The following ARID4B variants were observed in gnomAD, a reference collection of about 807,000 sequenced individuals.
The protein encoded by ARID4B is AT-rich interaction domain 4B, also known as AT-rich interactive domain-containing protein 4B.
A neutral mutation model predicts 147.5 loss-of-function variants in ARID4B; 26 were observed. The observed-to-expected ratio is 0.18, with a 90% CI of 0.13 to 0.24. The LOEUF (loss-of-function observed/expected upper bound fraction) is 0.24. ARID4B is among the 10% of genes least tolerant of loss of function. The pLI is 1.00. For synonymous variants in ARID4B, 512 were observed against 507.9 expected, an observed-to-expected ratio of 1.01 and a Z score of -0.11; for missense variants, 1,179 against 1,511.5, an observed-to-expected ratio of 0.78 and a Z score of 3.65.
chr1:235,284,482 T>A (rs1408253779), intron 2 of ARID4B, among the ~76,000 whole-genome samples: 1 of 152,184 alleles, frequency 6.6e-6, no homozygotes, highest in Non-Finnish European at 1.5e-5. Flanking sequence ...TAGCTTTTTC[T>A]ATTACAAGTG....
chr1:235,176,477 A>G (rs1663889854), intron 21 of ARID4B, among the ~76,000 whole-genome samples: 1 of 148,628 alleles, frequency 6.7e-6, no homozygotes, highest in Admixed American at 6.7e-5. Context: ...AAGGAGTTAA[A>G]CTCTCAAAGC....
chr1:235,324,224 A>G lies in ARID4B; in HGVS notation c.6+2690T>C, dbSNP rs184624379. Among the ~76,000 whole-genome samples, 11 of 152,278 alleles carry G rather than the reference A, an allele frequency of 7.2e-5. No homozygotes were observed. The East Asian group carries it at 1.9e-3, about 27-fold the overall frequency. On this transcript the variant is annotated intron_variant, in intron 2 of 23. Transcript: ENST00000264183. ...GCCCAGCCGGCACCACTGATTTTTA[A>G]AAGTCTATCAAGAGCATGAAAAATA... is the stretch of plus-strand genomic sequence containing the variant.
In ARID4B at chr1:235,189,751, A is replaced by T. The variant is rs542025688; in HGVS notation, c.2125+4262T>A. Among the ~76,000 whole-genome samples, 3 of 151,550 alleles carry T rather than the reference A, an allele frequency of 2.0e-5. No homozygotes were observed. The East Asian group carries it at 5.8e-4, about 30-fold the overall frequency. On this transcript the variant is annotated intron_variant, in intron 19 of 23. Transcript: ENST00000264183. Reference sequence around the variant, plus strand: ...CAGTCTCAATTAAAGAAAAAAAAAAATTTGGCAGGGCTGGGACAGTAGCTC... The same window carrying T: ...CAGTCTCAATTAAAGAAAAAAAAAATTTTGGCAGGGCTGGGACAGTAGCTC...
At chr1:235,239,223 C>T (rs184089382) in intron 8 of ARID4B, among the ~76,000 whole-genome samples, 5 of 152,164 alleles carry the variant, frequency 3.3e-5, no homozygotes, top group Admixed American at 3.3e-4. Flanking sequence ...TTGCCCACCT[C>T]GGCCTCCCAA....
Position 235,229,231 on chromosome 1 carries a change from T to C in ARID4B, c.897A>G (p.Glu299=), listed in dbSNP as rs12731746. ...AAAGGTATCAACTGTTTTCACTTACTTCTTCTTCACTGCTATTATCCTCCT... is the reference window on the plus strand; with the variant it reads ...AAAGGTATCAACTGTTTTCACTTACCTCTTCTTCACTGCTATTATCCTCCT... ...KEKEDNSSEE[E]EEIEPFPEER... Residue 299 remains glutamate, a splice_region_variant and synonymous_variant, in exon 11 of 24, where the codon GAA becomes GAG. Coordinates refer to ENST00000264183, the MANE Select transcript of ARID4B (RefSeq NM_016374.6). The C allele has an allele frequency of 0.48, 764,033 of 1,605,756 alleles. 184,477 individuals carry two copies. Among genetic ancestry groups the C allele is most frequent in the South Asian group, 0.61 (54,474 of 89,798 alleles).
intron 2 of ARID4B, among the ~76,000 whole-genome samples, chr1:235,297,555 C>T (rs1346156197): frequency 5.9e-5 from 9 of 152,086 alleles, no homozygotes; most frequent in African/African-American, 1.7e-4. Context: ...TCAGATGCTG[C>T]GAAAACCTTT....
chr1:235,219,591 G>T (rs1667307889), intron 16 of ARID4B, among the ~76,000 whole-genome samples: 1 of 152,130 alleles, frequency 6.6e-6, no homozygotes, highest in South Asian at 2.1e-4. Context: ...AAGAAGGGTG[G>T]ATCAAAGTAT....
chr1:235,231,295 G>A, intron 9 of ARID4B, 106 bp from the exon 10 acceptor site: 1 of 619,798 alleles, frequency 1.6e-6, no homozygotes, highest in Non-Finnish European at 2.7e-6. Context: ...CTGAAAATAT[G>A]GGAATGTTGA....
intron 2 of ARID4B, among the ~76,000 whole-genome samples, chr1:235,278,798 T>C (rs1466143027): frequency 6.6e-6 from 1 of 152,226 alleles, no homozygotes; most frequent in Non-Finnish European, 1.5e-5. Context: ...GTATTTGGTA[T>C]TCCTGTACAT....
intron 2 of ARID4B, among the ~76,000 whole-genome samples, chr1:235,323,931 G>A (rs1257709708): frequency 1.3e-5 from 2 of 148,192 alleles, no homozygotes; most frequent in African/African-American, 5.1e-5. Context: ...GAGAGAGAGA[G>A]TTTCACTTTT....
chr1:235,231,034 G>A lies in ARID4B; in HGVS notation c.742+79C>T, dbSNP rs184530660. On this transcript the variant is annotated intron_variant, in intron 10 of 23. Coordinates refer to ENST00000264183, the MANE Select transcript of ARID4B (RefSeq NM_016374.6). ...ACATAATTTAAAGAAAAATTTTAAA[G>A]AGCAAAGAAAAATTTAATCTTCAAA... The A allele has an allele frequency of 8.1e-4, 818 of 1,015,276 alleles. 6 individuals are homozygous for A. Among genetic ancestry groups the A allele is most frequent in the South Asian group, 7.1e-3 (453 of 63,784 alleles). The allele number at this position is 1,015,276 out of a possible 1,614,324, so 62.9% of individuals were successfully genotyped here.
chr1:235,259,441 G>A (rs1184041262), intron 3 of ARID4B, among the ~76,000 whole-genome samples: 1 of 152,224 alleles, frequency 6.6e-6, no homozygotes, highest in African/African-American at 2.4e-5. Flanking sequence ...CCAGGAGAGA[G>A]GGCTTTTGTC....
intron 2 of ARID4B, among the ~76,000 whole-genome samples, chr1:235,268,050 G>GA (rs1394827263): frequency 1.3e-5 from 2 of 152,178 alleles, no homozygotes; most frequent in Non-Finnish European, 2.9e-5. Flanking sequence ...GACAGAAGCT[G>GA]AATATACAAG....
chr1:235,321,627 T>C (rs1410655086), intron 2 of ARID4B, among the ~76,000 whole-genome samples: 1 of 151,896 alleles, frequency 6.6e-6, no homozygotes, highest in African/African-American at 2.4e-5. Context: ...TGCCTCAGCG[T>C]CCTACAGGCG....
In ARID4B at chr1:235,207,695, C is replaced by G. The variant is rs561191488; in HGVS notation, c.1841+6074G>C. 9.9e-5 allele frequency among the ~76,000 whole-genome samples: 15 copies of G among 152,130 alleles called. No individual in the cohort carries two copies. The South Asian group carries it at 2.3e-3, about 23-fold the overall frequency. ...CAGTATTTGGCACATAGTGGGTATT[C>G]AACTTATGTTTGGAAAATAAAGGAA... On this transcript the variant is annotated intron_variant, in intron 17 of 23. Transcript: ENST00000264183.
At chr1:235,258,225 C>T (rs960367082) in intron 3 of ARID4B, among the ~76,000 whole-genome samples, 2 of 151,950 alleles carry the variant, frequency 1.3e-5, no homozygotes, top group East Asian at 3.9e-4. Context: ...CCAGCTACTC[C>T]GGAGGCTTAG....
chr1:235,252,707 T>A, intron 6 of ARID4B, 23 bp downstream of exon 6: 1 of 1,599,212 alleles, frequency 6.3e-7, no homozygotes, highest in Non-Finnish European at 8.5e-7. Flanking sequence ...TAAGACATGT[T>A]CATTTGTTAA....
In ARID4B at chr1:235,255,285, C is replaced by CTATA. The variant is rs1338944598; in HGVS notation, c.274+374_274+375insTATA. Among the ~76,000 whole-genome samples, 54 of 97,214 alleles carry CTATA rather than the reference C, an allele frequency of 5.6e-4. 2 individuals are homozygous for CTATA. The South Asian group carries it at 6.0e-3, about 11-fold the overall frequency. The allele number at this position is 97,214 out of a possible 152,430, so 63.8% of individuals were successfully genotyped here. On this transcript the variant is annotated intron_variant, in intron 5 of 23. Coordinates refer to ENST00000264183, the MANE Select transcript of ARID4B (RefSeq NM_016374.6). ...TAGATATATATCTCTCTCTCTCTCT[C>CTATA]TCTATATATATATATACACAGTTAA...
rs151289235 is a variant in ARID4B at position 235,217,116 on chromosome 1, T to C, written c.1583+2677A>G. The stretch of plus-strand genomic sequence containing the variant: ...ACAACAAAAACCCAACACTCTTTTA[T>C]TAATGAAATCAAGCAATCAAAAATT... On this transcript the variant is annotated intron_variant, in intron 16 of 23. Transcript: ENST00000264183. 5.9e-5 allele frequency among the ~76,000 whole-genome samples: 9 copies of C among 152,238 alleles called. No individual in the cohort carries two copies. The East Asian group carries it at 1.5e-3, about 26-fold the overall frequency.
Sources: allele counts gnomAD v4.1 joint callset (sites outside exome capture counted in the v4.1 genomes callset), GRCh38; gene constraint gnomAD v4.1.1; transcripts MANE v1.5; gene names NCBI Gene and HGNC (gene_info 2026-07-23, HGNC 2026-07-21).